NF2: variants seen among roughly 807,000 people sequenced by gnomAD.
The protein encoded by NF2 is merlin.
A neutral mutation model predicts 83.7 loss-of-function variants in NF2; 8 were observed. That is an observed-to-expected ratio of 0.10 (90% CI 0.06 to 0.17). NF2 has a LOEUF of 0.17. NF2 is among the 10% of genes least tolerant of loss of function. The pLI is 1.00. For missense variants in NF2, 533 were observed against 744.4 expected (o/e 0.72, Z 3.31); for synonymous variants, 266 against 269.6 (o/e 0.99, Z 0.13).
intron 1 of NF2, among the ~76,000 whole-genome samples, chr22:29,618,993 A>G (rs960736313): frequency 2.6e-5 from 4 of 152,126 alleles, no homozygotes; most frequent in Admixed American, 2.6e-4. Flanking sequence ...TAATAGTTCT[A>G]TACTCTATAT....
At chr22:29,637,024 C>A in intron 2 of NF2, 148 bp downstream of exon 2, 1 of 1,165,952 alleles carries the variant, frequency 8.6e-7, no homozygotes, top group Non-Finnish European at 1.3e-6. Flanking sequence ...GAAAGCAGGA[C>A]GTAGAGATGC....
intron 4 of NF2, among the ~76,000 whole-genome samples, chr22:29,642,549 T>A (rs924972304): frequency 2.6e-5 from 4 of 152,170 alleles, no homozygotes; most frequent in Non-Finnish European, 5.9e-5. Flanking sequence ...GAATTCATTC[T>A]AAGTGAATTC....
rs189908859 is a variant in NF2 at position 29,651,410 on chromosome 22, G to A, written c.448-3247G>A. 1.2e-4 allele frequency among the ~76,000 whole-genome samples: 18 copies of A among 152,290 alleles called. No individual in the cohort carries two copies. The East Asian group carries it at 3.5e-3, about 29-fold the overall frequency. ...TTAGGGGATTGTCTTTAATGCAAGA[G>A]TACCAAATTAGGTACAGGCATATGA... On this transcript the variant is annotated intron_variant, in intron 4 of 15. Coordinates refer to ENST00000338641, the MANE Select transcript of NF2 (RefSeq NM_000268.4).
Position 29,655,582 on chromosome 22 carries a change from A to AT in NF2, c.517-6dup. ...ATGTGTAGGTTTTTTATTTTGCTCTATTTTTTGGTAGGTAATAAATCTGTA... is the reference window on the plus strand; with the variant it reads ...ATGTGTAGGTTTTTTATTTTGCTCTATTTTTTTGGTAGGTAATAAATCTGTA... On this transcript the variant is annotated splice_polypyrimidine_tract_variant and intron_variant, in intron 5 of 15. Coordinates refer to ENST00000338641, the MANE Select transcript of NF2 (RefSeq NM_000268.4). 1.2e-6 allele frequency: 2 copies of AT among 1,606,898 alleles called. No homozygotes were observed. The highest frequency in any genetic ancestry group is 1.7e-6 in the Non-Finnish European group (2 of 1,173,594).
rs1030571401 is a variant in NF2 at position 29,669,569 on chromosome 22, G to A, written c.999+1123G>A. 1.1e-4 allele frequency among the ~76,000 whole-genome samples: 16 copies of A among 152,184 alleles called. 1 individual carries two copies. Among genetic ancestry groups the A allele is most frequent in the South Asian group, 6.2e-4 (3 of 4,822 alleles). On this transcript the variant is annotated intron_variant, in intron 10 of 15. Transcript: ENST00000338641. ...TAAATAAGTAAATAAATAAGAAGGA[G>A]GAGGAGAGCTTTCTTTGACCTTTTT... is the stretch of plus-strand genomic sequence containing the variant.
chr22:29,658,921 G>A (rs1396650980), intron 7 of NF2, among the ~76,000 whole-genome samples: 3 of 152,150 alleles, frequency 2.0e-5, no homozygotes, highest in Non-Finnish European at 4.4e-5. Context: ...CCAAACTGCA[G>A]ATGAGTAGAT....
At chr22:29,680,273 A>C (rs2067091481) in intron 14 of NF2, among the ~76,000 whole-genome samples, 1 of 152,064 alleles carries the variant, frequency 6.6e-6, no homozygotes, top group Admixed American at 6.5e-5. Context: ...TATCACGCCC[A>C]GCTAACTTTT....
intron 7 of NF2, among the ~76,000 whole-genome samples, chr22:29,660,192 C>T (rs1233958729): frequency 6.6e-6 from 1 of 152,114 alleles, no homozygotes; most frequent in African/African-American, 2.4e-5. Context: ...CAGTCCGTCG[C>T]AGGTTCAGTG....
At chr22:29,662,673 G>A (rs1258671067) in intron 8 of NF2, among the ~76,000 whole-genome samples, 2 of 152,214 alleles carry the variant, frequency 1.3e-5, no homozygotes, top group Non-Finnish European at 2.9e-5. Flanking sequence ...GGCAGGGGCT[G>A]TGTTGTCAAT....
rs2064719831 is a variant in NF2 at position 29,604,130 on chromosome 22, C to G, written c.114+18C>G. 6.4e-7 allele frequency: 1 copy of G among 1,569,134 alleles called. No individual in the cohort carries two copies. The highest frequency in any genetic ancestry group is 1.3e-5 in the African/African-American group (1 of 74,182). On this transcript the variant is annotated intron_variant, in intron 1 of 15. Coordinates refer to ENST00000338641, the MANE Select transcript of NF2 (RefSeq NM_000268.4). ...ATTGCGAGGTAACCGGCCGGCAGCCCCGACTGCTGCGGTGACAGTCGAGGT... is the reference window on the plus strand; with the variant it reads ...ATTGCGAGGTAACCGGCCGGCAGCCGCGACTGCTGCGGTGACAGTCGAGGT...
intron 15 of NF2, among the ~76,000 whole-genome samples, chr22:29,693,459 T>A (rs1345860287): frequency 6.6e-6 from 1 of 152,236 alleles, no homozygotes; most frequent in Non-Finnish European, 1.5e-5. Flanking sequence ...GTCTGTCTTC[T>A]GATGGTGAAG....
intron 5 of NF2, among the ~76,000 whole-genome samples, chr22:29,654,958 C>T (rs1309005142): frequency 8.6e-5 from 13 of 152,012 alleles, no homozygotes; most frequent in South Asian, 2.1e-4. Flanking sequence ...TTTTTTCTAG[C>T]GTGGTTGTTT....
At chr22:29,641,169 C>A (rs2065800253) in intron 3 of NF2, among the ~76,000 whole-genome samples, 1 of 135,544 alleles carries the variant, frequency 7.4e-6, no homozygotes, top group Non-Finnish European at 1.6e-5. Flanking sequence ...TTTTCTATAG[C>A]GTTGCTTTTT....
chr22:29,613,048 C>T (rs1030301450), intron 1 of NF2, among the ~76,000 whole-genome samples: 2 of 151,764 alleles, frequency 1.3e-5, no homozygotes, highest in Admixed American at 6.6e-5. Flanking sequence ...GAGCTGAGAT[C>T]ACGCGCCACT....
chr22:29,680,874 TTGAATTAC>T (rs1192320645), intron 14 of NF2, among the ~76,000 whole-genome samples: 1 of 151,822 alleles, frequency 6.6e-6, no homozygotes, highest in African/African-American at 2.4e-5. Flanking sequence ...AAGAGTTTAC[TTGAATTAC>T]TGCTCCAAGA....
chr22:29,698,227 C>A lies in NF2; in HGVS notation c.*3425C>A, dbSNP rs2067607757. The stretch of plus-strand genomic sequence containing the variant: ...CACCCCGTGGCATTACATAACACTT[C>A]ATGAGTGGCTGTGTCTTGTAATTTT... On this transcript the variant is annotated 3_prime_UTR_variant, in exon 16 of 16. Coordinates refer to ENST00000338641, the MANE Select transcript of NF2 (RefSeq NM_000268.4). 2.2e-5 allele frequency: 5 copies of A among 231,404 alleles called. No homozygotes were observed. In the East Asian group the frequency reaches 3.0e-4, roughly 14 times the overall value. 14.3% of individuals were successfully genotyped at this position (231,404 alleles called of 1,614,324 possible). A position where few individuals can be genotyped will look rare whatever the true frequency, so the allele number is the denominator to read the frequency against.
chr22:29,637,493 A>G (rs915338136), intron 2 of NF2, among the ~76,000 whole-genome samples: 1 of 152,182 alleles, frequency 6.6e-6, no homozygotes, highest in Non-Finnish European at 1.5e-5. Context: ...ATGGGTTCAT[A>G]TGTTCACACA....
chr22:29,650,054 T>C (rs1569290362), intron 4 of NF2, among the ~76,000 whole-genome samples: 2 of 152,238 alleles, frequency 1.3e-5, no homozygotes, highest in East Asian at 3.9e-4. Context: ...AAATATAACT[T>C]ACAAAGATTA....
intron 2 of NF2, among the ~76,000 whole-genome samples, chr22:29,638,620 G>A (rs997311540): frequency 6.6e-6 from 1 of 152,144 alleles, no homozygotes; most frequent in African/African-American, 2.4e-5. Context: ...CCAGCGTGCT[G>A]GGATTATAGG....
Sources: gnomAD v4.1 joint callset for allele counts (sites outside exome capture counted in the v4.1 genomes callset) on GRCh38, gnomAD v4.1.1 for gene constraint, MANE v1.5 for transcripts, NCBI Gene and HGNC (gene_info 2026-07-23, HGNC 2026-07-21) for gene names.